The following ATP6V1C2 variants were observed in gnomAD, a reference collection of about 807,000 sequenced individuals.
ATP6V1C2 encodes ATPase H+ transporting V1 subunit C2.
Under a neutral mutation model 56.8 loss-of-function variants are expected in ATP6V1C2, and 45 were observed. The observed-to-expected ratio is 0.79, with a 90% CI of 0.62 to 1.02. ATP6V1C2 has a LOEUF of 1.02. Ranked by LOEUF, ATP6V1C2 falls within the 50% of genes least tolerant of loss-of-function variation. ATP6V1C2 has a pLI of 0.00. For missense variants in ATP6V1C2, 463 were observed against 519.7 expected, an observed-to-expected ratio of 0.89 and a Z score of 1.06; for synonymous variants, 220 against 201.3, an observed-to-expected ratio of 1.09 and a Z score of -0.79.
chr2:10,743,638 G>T (rs1484496928), intron 3 of ATP6V1C2, among the ~76,000 whole-genome samples: 1 of 151,484 alleles, frequency 6.6e-6, no homozygotes, highest in East Asian at 2.0e-4. Context: ...GAGCCCAGGA[G>T]TTGGAAACTA....
intron 3 of ATP6V1C2, among the ~76,000 whole-genome samples, chr2:10,738,186 A>T (rs1364767311): frequency 6.6e-6 from 1 of 152,196 alleles, no homozygotes; most frequent in Non-Finnish European, 1.5e-5. Flanking sequence ...GTAGCTGCCT[A>T]GTGTCAGGCC....
At chr2:10,743,992 AAAAAATAAT>A (rs775658224) in intron 3 of ATP6V1C2, among the ~76,000 whole-genome samples, 1 of 32,794 alleles carries the variant, frequency 3.0e-5, no homozygotes, top group African/African-American at 5.3e-5. Flanking sequence ...AAAAAAAAAA[AAAAAATAAT>A]AATAATAAAT....
chr2:10,744,450 A>G (rs1662751370), intron 3 of ATP6V1C2, among the ~76,000 whole-genome samples: 1 of 152,154 alleles, frequency 6.6e-6, no homozygotes, highest in Non-Finnish European at 1.5e-5. Flanking sequence ...CCTCACGCTT[A>G]TGAGCTATTT....
chr2:10,753,165 A>G (rs1397081568), intron 3 of ATP6V1C2, among the ~76,000 whole-genome samples: 2 of 152,208 alleles, frequency 1.3e-5, no homozygotes, highest in African/African-American at 2.4e-5. Context: ...TAAAAGCAAT[A>G]TCTGATTATA....
chr2:10,767,400 C>A (rs1198361373), intron 5 of ATP6V1C2, among the ~76,000 whole-genome samples: 4 of 151,696 alleles, frequency 2.6e-5, no homozygotes, highest in Non-Finnish European at 4.4e-5. Context: ...TGAGCTCAGG[C>A]AATCTGCCCA....
chr2:10,766,265 G>A (rs554039443), intron 5 of ATP6V1C2, among the ~76,000 whole-genome samples: 3 of 152,248 alleles, frequency 2.0e-5, no homozygotes, highest in South Asian at 2.1e-4. Flanking sequence ...TTCCTACACC[G>A]GCAACACAGT....
At chr2:10,767,747 C>G (rs1293870824) in intron 5 of ATP6V1C2, 1 of 152,210 alleles carries the variant, frequency 6.6e-6, no homozygotes, top group Non-Finnish European at 1.5e-5. Flanking sequence ...CGTGAGCTAC[C>G]TCGCCCAGTC....
At chr2:10,755,817 C>T (rs1663521736) in intron 4 of ATP6V1C2, among the ~76,000 whole-genome samples, 1 of 152,326 alleles carries the variant, frequency 6.6e-6, no homozygotes, top group Admixed American at 6.5e-5. Flanking sequence ...AGAACAGAGG[C>T]TGCACCCTGA....
At chr2:10,779,460 T>C (rs1265527198) in intron 12 of ATP6V1C2, among the ~76,000 whole-genome samples, 4 of 147,624 alleles carry the variant, frequency 2.7e-5, no homozygotes. Context: ...TATATATATA[T>C]ATATGCCCTT....
Position 10,774,843 on chromosome 2 carries a change from G to C in ATP6V1C2, c.694G>C (p.Val232Leu), listed in dbSNP as rs1664855756. 3 of 1,614,106 alleles carry C rather than the reference G, an allele frequency of 1.9e-6. No homozygotes were observed. The highest frequency in any genetic ancestry group is 1.3e-5 in the African/African-American group (1 of 74,942). Residue 232 changes from valine (V) to leucine (L), a missense_variant, in exon 9 of 14, where the codon GTG (valine) becomes CTG (leucine). Val to Leu is a conservative substitution (Grantham distance 32). Transcript: ENST00000272238. ...GLFTVTLFRKVIEDFKTKAKE... is the reference protein window; with the variant it reads ...GLFTVTLFRKLIEDFKTKAKE... ...TTTCACTGTGACTCTGTTTCGAAAAGTGATTGAAGATTTCAAAACCAAGGC... is the reference window on the plus strand; with the variant it reads ...TTTCACTGTGACTCTGTTTCGAAAACTGATTGAAGATTTCAAAACCAAGGC...
Position 10,784,055 on chromosome 2 carries a change from A to G in ATP6V1C2, c.*792A>G, listed in dbSNP as rs1665570378. The G allele has an allele frequency of 4.7e-6, 2 of 429,284 alleles. No individual in the cohort carries two copies. Among genetic ancestry groups the G allele is most frequent in the African/African-American group, 2.0e-5 (1 of 49,644 alleles). The allele number at this position is 429,284 out of a possible 1,614,324, so 26.6% of individuals were successfully genotyped here. Reference sequence around the variant, plus strand: ...CAGAATACGACTCAATTCACCGGCTACAACAATTCATAGAATTTTTCAATG... The same window carrying G: ...CAGAATACGACTCAATTCACCGGCTGCAACAATTCATAGAATTTTTCAATG... On this transcript the variant is annotated 3_prime_UTR_variant, in exon 14 of 14. Transcript: ENST00000272238.
At chr2:10,776,626 C>A (rs948257992) in intron 10 of ATP6V1C2, among the ~76,000 whole-genome samples, 2 of 152,352 alleles carry the variant, frequency 1.3e-5, no homozygotes, top group African/African-American at 2.4e-5. Context: ...TCGATTCAGT[C>A]CTGGTCCCAA....
intron 3 of ATP6V1C2, among the ~76,000 whole-genome samples, chr2:10,737,958 C>T (rs549969614): frequency 8.5e-5 from 13 of 152,142 alleles, no homozygotes; most frequent in African/African-American, 3.1e-4. Context: ...CCCAAAATGC[C>T]GAAATTACAG....
In ATP6V1C2 at chr2:10,777,742, C is replaced by A; in HGVS notation, c.963+20C>A. The A allele has an allele frequency of 6.3e-7, 1 of 1,592,722 alleles. No individual in the cohort carries two copies. The stretch of plus-strand genomic sequence containing the variant: ...GGTGAGGTAAGCAACGCCCCGGGAA[C>A]CCCGGGGTCCCTGGCTCACATCTCC... On this transcript the variant is annotated intron_variant, in intron 11 of 13. Transcript: ENST00000272238.
chr2:10,723,995 C>T (rs949353623), intron 2 of ATP6V1C2, among the ~76,000 whole-genome samples: 1 of 151,898 alleles, frequency 6.6e-6, no homozygotes, highest in Non-Finnish European at 1.5e-5. Context: ...CTCCTGCCCT[C>T]AGGTGATCCA....
chr2:10,726,612 A>G (rs543303933), intron 3 of ATP6V1C2, 43 bp downstream of exon 3: 12 of 1,539,442 alleles, frequency 7.8e-6, no homozygotes, highest in African/African-American at 5.4e-5. Flanking sequence ...AGAATTTGAC[A>G]TTGTTGTCAG....
At chr2:10,750,528 CAA>C (rs55787913) in intron 3 of ATP6V1C2, among the ~76,000 whole-genome samples, 36 of 143,638 alleles carry the variant, frequency 2.5e-4, no homozygotes, top group East Asian at 4.1e-4. Context: ...AAACGAAAAG[CAA>C]AAAAAAAAAA....
chr2:10,732,769 G>C (rs1485895253), intron 3 of ATP6V1C2, among the ~76,000 whole-genome samples: 1 of 151,640 alleles, frequency 6.6e-6, no homozygotes, highest in Non-Finnish European at 1.5e-5. Flanking sequence ...TCAAGAGATC[G>C]AGACCATCCT....
At chr2:10,779,654 C>T (rs974788273) in intron 12 of ATP6V1C2, among the ~76,000 whole-genome samples, 6 of 137,386 alleles carry the variant, frequency 4.4e-5, no homozygotes, top group African/African-American at 8.3e-5. Context: ...TCACTGCACT[C>T]GAGCCTGGGC....
Sources: gnomAD v4.1 joint callset for allele counts (sites outside exome capture counted in the v4.1 genomes callset) on GRCh38, gnomAD v4.1.1 for gene constraint, MANE v1.5 for transcripts, NCBI Gene and HGNC (gene_info 2026-07-23, HGNC 2026-07-21) for gene names.